GRID1: variants seen among roughly 807,000 people sequenced by gnomAD.
GRID1 encodes glutamate receptor ionotropic, delta-1.
In GRID1, 28 loss-of-function variants were observed where a neutral mutation model predicts 98.0. The ratio of observed to expected loss-of-function variants is 0.29; its 90% CI spans 0.21 to 0.39. The LOEUF is 0.39. GRID1 is among the 10% of genes least tolerant of loss of function. GRID1 has a pLI of 1.00. For missense variants in GRID1, 1,111 were observed against 1,340.5 expected (o/e 0.83, Z 2.67); for synonymous variants, 553 against 538.5 (o/e 1.03, Z -0.37).
At chr10:85,871,357 A>G (rs997112154) in intron 5 of GRID1, among the ~76,000 whole-genome samples, 2 of 152,184 alleles carry the variant, frequency 1.3e-5, no homozygotes, top group African/African-American at 4.8e-5. Context: ...AATGTGTATC[A>G]TTTTCATGCC....
intron 4 of GRID1, among the ~76,000 whole-genome samples, chr10:86,018,709 G>A (rs997316963): frequency 3.9e-5 from 6 of 152,126 alleles, no homozygotes; most frequent in South Asian, 2.1e-4. Context: ...CTTGCTGCTC[G>A]GGGAGCTCTG....
At chr10:85,906,987 TA>T (rs1196545195) in intron 5 of GRID1, among the ~76,000 whole-genome samples, 1 of 152,034 alleles carries the variant, frequency 6.6e-6, no homozygotes, top group Non-Finnish European at 1.5e-5. Context: ...GACTGATCAA[TA>T]AAAAAAGAAA....
At chr10:85,767,234 A>G (rs1393758984) in intron 8 of GRID1, among the ~76,000 whole-genome samples, 1 of 152,176 alleles carries the variant, frequency 6.6e-6, no homozygotes, top group Non-Finnish European at 1.5e-5. Flanking sequence ...AAGTTGGCGA[A>G]ATGTAGCAAT....
At position 85,879,167 on chromosome 10, in the gene GRID1, T is replaced by C. The variant is rs527615813; in HGVS notation, c.781-9987A>G. Among the ~76,000 whole-genome samples the C allele has an allele frequency of 2.1e-4, 32 of 152,140 alleles. No homozygotes were observed. The South Asian group carries it at 5.8e-3, about 28-fold the overall frequency. On this transcript the variant is annotated intron_variant, in intron 5 of 15. Coordinates refer to ENST00000327946, the MANE Select transcript of GRID1 (RefSeq NM_017551.3). ...AGAGGCTTAGACTCCCACACAATAA[T>C]AATGGGAGACTTTAACACCCCACTG...
intron 2 of GRID1, among the ~76,000 whole-genome samples, chr10:86,238,956 G>C (rs1381366230): frequency 1.3e-5 from 2 of 152,138 alleles, no homozygotes; most frequent in Non-Finnish European, 2.9e-5. Context: ...GTCTCCACTG[G>C]GGCACTGCCT....
At chr10:86,331,331 C>G (rs919874720) in intron 2 of GRID1, among the ~76,000 whole-genome samples, 3 of 152,184 alleles carry the variant, frequency 2.0e-5, no homozygotes, top group African/African-American at 7.2e-5. Context: ...GCCGTCCTGA[C>G]AGGGCCTCCC....
At chr10:86,275,661 G>C (rs1270394119) in intron 2 of GRID1, among the ~76,000 whole-genome samples, 2 of 152,122 alleles carry the variant, frequency 1.3e-5, no homozygotes, top group Admixed American at 6.6e-5. Context: ...GGGGGTTAAA[G>C]AGCAGATTTG....
chr10:86,167,798 G>C (rs992556242), intron 3 of GRID1, among the ~76,000 whole-genome samples: 7 of 152,186 alleles, frequency 4.6e-5, no homozygotes, highest in African/African-American at 1.4e-4. Flanking sequence ...ACCAGACTCA[G>C]CTCGGGCAGC....
At chr10:86,106,126 C>T (rs369486283) in intron 4 of GRID1, among the ~76,000 whole-genome samples, 1 of 152,126 alleles carries the variant, frequency 6.6e-6, no homozygotes, top group African/African-American at 2.4e-5. Context: ...ACCCTTTGCT[C>T]CTGCTCTAGG....
chr10:86,072,763 A>T (rs1057299045), intron 4 of GRID1, among the ~76,000 whole-genome samples: 1 of 152,062 alleles, frequency 6.6e-6, no homozygotes, highest in Non-Finnish European at 1.5e-5. Flanking sequence ...CACCAAGGAG[A>T]TAGTATAGGG....
At chr10:85,727,681 A>G (rs1015246096) in intron 10 of GRID1, among the ~76,000 whole-genome samples, 174 bp downstream of exon 10, 2 of 152,204 alleles carry the variant, frequency 1.3e-5, no homozygotes, top group African/African-American at 4.8e-5. Context: ...ATACAAGAGC[A>G]GAAATGGATG....
chr10:86,170,796 G>T (rs1305990621), intron 3 of GRID1, among the ~76,000 whole-genome samples: 1 of 152,134 alleles, frequency 6.6e-6, no homozygotes, highest in African/African-American at 2.4e-5. Flanking sequence ...AGCTATTTGG[G>T]GTCACGTTCT....
intron 2 of GRID1, among the ~76,000 whole-genome samples, chr10:86,363,490 C>A (rs1048990014): frequency 6.6e-6 from 1 of 152,224 alleles, no homozygotes; most frequent in Non-Finnish European, 1.5e-5. Context: ...GGAGACAGGT[C>A]GGGCTCCAGC....
chr10:85,865,918 TATATATATATATATATATATATATAC>T (rs1843211893), intron 6 of GRID1, among the ~76,000 whole-genome samples: 3 of 94,534 alleles, frequency 3.2e-5, no homozygotes, highest in South Asian at 3.6e-4. Context: ...TATACATATA[TATATATATATATATATATATATATAC>T]ACATATATAT....
intron 5 of GRID1, among the ~76,000 whole-genome samples, chr10:85,915,168 CTT>C (rs1314075946): frequency 1.3e-5 from 2 of 152,036 alleles, no homozygotes; most frequent in African/African-American, 2.4e-5. Context: ...CATGGGTACA[CTT>C]ATCCCTACAC....
chr10:85,622,442 T>C (rs1303045342), intron 13 of GRID1, among the ~76,000 whole-genome samples: 3 of 152,234 alleles, frequency 2.0e-5, no homozygotes, highest in Non-Finnish European at 2.9e-5. Context: ...AGTCTTGCTA[T>C]GTTGCCCAGG....
At chr10:86,237,699 CAAA>C (rs60612464) in intron 2 of GRID1, among the ~76,000 whole-genome samples, 6 of 90,204 alleles carry the variant, frequency 6.7e-5, no homozygotes, top group Admixed American at 1.3e-4. Flanking sequence ...GACTCTGTCT[CAAA>C]AAAAAAAAAA....
At chr10:85,865,112 A>T (rs1439967105) in intron 6 of GRID1, among the ~76,000 whole-genome samples, 1 of 152,180 alleles carries the variant, frequency 6.6e-6, no homozygotes, top group East Asian at 1.9e-4. Context: ...ACTGGTTATC[A>T]CTTTTATTAC....
At chr10:85,901,347 C>T (rs890438886) in intron 5 of GRID1, among the ~76,000 whole-genome samples, 5 of 151,888 alleles carry the variant, frequency 3.3e-5, no homozygotes, top group Non-Finnish European at 7.4e-5. Flanking sequence ...CATGGGTTCA[C>T]GCCATTCTCC....
Sources: gnomAD v4.1 joint callset for allele counts (sites outside exome capture counted in the v4.1 genomes callset) on GRCh38, gnomAD v4.1.1 for gene constraint, MANE v1.5 for transcripts, NCBI Gene and HGNC (gene_info 2026-07-23, HGNC 2026-07-21) for gene names.